The following ZNF536 variants were observed in gnomAD, a reference collection of about 807,000 sequenced individuals.
The protein encoded by ZNF536 is zinc finger protein 536.
A neutral mutation model predicts 84.5 loss-of-function variants in ZNF536; 13 were observed. The ratio of observed to expected loss-of-function variants is 0.15; its 90% confidence interval spans 0.10 to 0.24. The LOEUF is 0.24. ZNF536 is among the 10% of genes least tolerant of loss of function. The pLI is 1.00. For synonymous variants in ZNF536, 811 were observed against 742.5 expected (o/e 1.09, Z -1.50); for missense variants, 1,536 against 1,747.5 (o/e 0.88, Z 2.16).
At chr19:30,238,777 A>C (rs2023728612) in intron 1 of ZNF536, among the ~76,000 whole-genome samples, 1 of 151,834 alleles carries the variant, frequency 6.6e-6, no homozygotes, top group African/African-American at 2.4e-5. Flanking sequence ...TCAACACAAT[A>C]GCAAAATGAA....
rs111280871 is a variant in ZNF536 at position 30,529,034 on chromosome 19, C to T, written c.2171-5813C>T. Among the ~76,000 whole-genome samples the T allele has an allele frequency of 8.3e-3, 1,251 of 151,022 alleles. 15 individuals carry two copies. Among genetic ancestry groups the T allele is most frequent in the African/African-American group, 0.029 (1,172 of 41,046 alleles). Reference sequence around the variant, plus strand: ...TCGTGGGTCAGATGGGAACCAAGGGCGAGGGGAGGGGTGAAGGGACTTGCT... The same window carrying T: ...TCGTGGGTCAGATGGGAACCAAGGGTGAGGGGAGGGGTGAAGGGACTTGCT... On this transcript the variant is annotated intron_variant, in intron 2 of 4. Coordinates refer to ENST00000355537, the MANE Select transcript of ZNF536 (RefSeq NM_014717.3).
intron 2 of ZNF536, among the ~76,000 whole-genome samples, chr19:30,467,537 G>T (rs1168695491): frequency 6.6e-6 from 1 of 152,098 alleles, no homozygotes; most frequent in Non-Finnish European, 1.5e-5. Flanking sequence ...TGTCCTTTTG[G>T]CTGTTTCAGT....
intron 1 of ZNF536, among the ~76,000 whole-genome samples, chr19:30,230,928 G>C (rs997176105): frequency 1.3e-5 from 2 of 151,992 alleles, no homozygotes. Flanking sequence ...TTGAATGGAG[G>C]GGGAAGAAAG....
intron 1 of ZNF536, among the ~76,000 whole-genome samples, chr19:30,231,681 G>A (rs763222073): frequency 2.0e-4 from 30 of 152,178 alleles, no homozygotes; most frequent in Admixed American, 1.0e-3. Flanking sequence ...TCAGGCTGCC[G>A]TGATGGTCCC....
At chr19:30,365,399 C>T (rs1470350081) in intron 3 of ZNF536, among the ~76,000 whole-genome samples, 1 of 152,192 alleles carries the variant, frequency 6.6e-6, no homozygotes, top group African/African-American at 2.4e-5. Flanking sequence ...AGGGAAGGGA[C>T]TTGCTAGTGC....
intron 2 of ZNF536, among the ~76,000 whole-genome samples, chr19:30,515,356 C>T (rs539661519): frequency 7.9e-5 from 12 of 152,190 alleles, no homozygotes; most frequent in African/African-American, 2.2e-4. Flanking sequence ...AGAATGTGCT[C>T]GATTAATGTT....
At chr19:30,424,949 G>A (rs1030791108) in intron 1 of ZNF536, among the ~76,000 whole-genome samples, 27 of 152,180 alleles carry the variant, frequency 1.8e-4, no homozygotes, top group African/African-American at 5.3e-4. Flanking sequence ...CCAAGCCAAC[G>A]TATGGCTCAG....
At chr19:30,589,605 A>G (rs2047210031) in intron 1 of ZNF536, among the ~76,000 whole-genome samples, 1 of 152,182 alleles carries the variant, frequency 6.6e-6, no homozygotes, top group Non-Finnish European at 1.5e-5. Flanking sequence ...GGTAGGGGAT[A>G]AAGAAATGAA....
At chr19:30,511,988 T>G (rs954731246) in intron 2 of ZNF536, among the ~76,000 whole-genome samples, 5 of 152,208 alleles carry the variant, frequency 3.3e-5, no homozygotes, top group African/African-American at 1.2e-4. Flanking sequence ...AATCCATACA[T>G]TTACATTAAG....
rs193207290 is a variant in ZNF536, at chr19:30,576,841, C to T, written c.169+27327C>T. Among the ~76,000 whole-genome samples, 194 of 152,300 alleles carry T rather than the reference C, an allele frequency of 1.3e-3. 2 individuals are homozygous for T. The highest frequency in any genetic ancestry group is 4.6e-3 in the African/African-American group (191 of 41,560). On this transcript the variant is annotated intron_variant, in intron 1 of 1. Transcript: ENST00000592773. Reference sequence around the variant, plus strand: ...AGGGGAACAGTCAGACAAGAGGATCCGGCCTTTCCTGGAGTTGCATGTCTC... The same window carrying T: ...AGGGGAACAGTCAGACAAGAGGATCTGGCCTTTCCTGGAGTTGCATGTCTC...
chr19:30,452,769 G>C (rs1239211445), intron 2 of ZNF536, among the ~76,000 whole-genome samples: 1 of 152,044 alleles, frequency 6.6e-6, no homozygotes. Context: ...GTGATGATTG[G>C]ACTGGAACCT....
At chr19:30,469,337 A>G (rs758955147) in intron 2 of ZNF536, among the ~76,000 whole-genome samples, 1 of 152,066 alleles carries the variant, frequency 6.6e-6, no homozygotes, top group Non-Finnish European at 1.5e-5. Flanking sequence ...GCATGAACCC[A>G]GAAGGCGGAG....
chr19:30,670,858 G>T (rs2050524420), intron 1 of ZNF536, among the ~76,000 whole-genome samples: 1 of 152,210 alleles, frequency 6.6e-6, no homozygotes, highest in African/African-American at 2.4e-5. Context: ...CGAGAGCACA[G>T]AGAAGGTACT....
intron 2 of ZNF536, among the ~76,000 whole-genome samples, chr19:30,483,823 C>T (rs1568475235): frequency 6.6e-6 from 1 of 152,134 alleles, no homozygotes; most frequent in South Asian, 2.1e-4. Context: ...CCTTCAGGGT[C>T]CAGCCCTTGC....
At chr19:30,508,989 A>G (rs1242709882) in intron 2 of ZNF536, among the ~76,000 whole-genome samples, 1 of 151,078 alleles carries the variant, frequency 6.6e-6, no homozygotes, top group Non-Finnish European at 1.5e-5. Context: ...CAGGCAACAC[A>G]GGTGACTAAT....
rs566981723 is a variant in ZNF536 at position 30,572,211 on chromosome 19, G to A, written c.169+22697G>A. 2.6e-5 allele frequency among the ~76,000 whole-genome samples: 4 copies of A among 152,324 alleles called. No homozygotes were observed. The East Asian group carries it at 7.7e-4, about 29-fold the overall frequency. ...ACTGAAAGAGCCCTTCTCTGGAAAA[G>A]GAACTCTCCCTACTGCTTCCTGAGG... On this transcript the variant is annotated intron_variant, in intron 1 of 1. Coordinates refer to the ZNF536 transcript ENST00000592773.
chr19:30,516,891 C>T (rs2044102543), intron 2 of ZNF536, among the ~76,000 whole-genome samples: 1 of 152,120 alleles, frequency 6.6e-6, no homozygotes, highest in Admixed American at 6.5e-5. Flanking sequence ...GAAGGTCGGG[C>T]CTTCTAAACT....
At chr19:30,712,267 T>G (rs2052475622) in exon 2 of ZNF536, 1 of 152,216 alleles carries the variant, frequency 6.6e-6, no homozygotes, top group Non-Finnish European at 1.5e-5. Flanking sequence ...AAAAATGATT[T>G]AAGAAGACTA....
chr19:30,320,701 G>T (rs2046826304), intron 2 of ZNF536, among the ~76,000 whole-genome samples: 1 of 151,976 alleles, frequency 6.6e-6, no homozygotes, highest in Non-Finnish European at 1.5e-5. Context: ...CCCAGGGAAG[G>T]GTAAAACGCT....
Sources: allele counts gnomAD v4.1 joint callset (sites outside exome capture counted in the v4.1 genomes callset), GRCh38; gene constraint gnomAD v4.1.1; transcripts MANE v1.5; gene names NCBI Gene and HGNC (gene_info 2026-07-23, HGNC 2026-07-21).